The following CPQ variants were observed in gnomAD, a reference collection of about 807,000 sequenced individuals.
CPQ encodes carboxypeptidase Q.
A neutral mutation model predicts 45.7 loss-of-function variants in CPQ; 37 were observed. The ratio of observed to expected loss-of-function variants is 0.81; its 90% CI spans 0.62 to 1.07. CPQ has a LOEUF of 1.07. Ranked by LOEUF, CPQ falls within the 50% of genes least tolerant of loss-of-function variation. CPQ has a pLI of 0.00. For missense variants in CPQ, 537 were observed against 572.9 expected, an observed-to-expected ratio of 0.94 and a Z score of 0.64; for synonymous variants, 186 against 205.8, an observed-to-expected ratio of 0.90 and a Z score of 0.82.
intron 1 of CPQ, among the ~76,000 whole-genome samples, chr8:96,663,306 A>C (rs1421239951): frequency 5.7e-5 from 7 of 122,782 alleles, no homozygotes; most frequent in Admixed American, 1.7e-4. Context: ...CTCCTCAAAC[A>C]TTTTCATCTG....
chr8:96,675,829 T>A (rs571864403), intron 1 of CPQ, among the ~76,000 whole-genome samples: 1 of 152,186 alleles, frequency 6.6e-6, no homozygotes, highest in African/African-American at 2.4e-5. Context: ...ATGAACTGTT[T>A]ATATATTTTC....
chr8:96,661,007 A>G (rs972364763), intron 1 of CPQ, among the ~76,000 whole-genome samples: 2 of 152,204 alleles, frequency 1.3e-5, no homozygotes, highest in East Asian at 3.8e-4. Flanking sequence ...CAAAGAGGAC[A>G]TATTCTTTAT....
chr8:97,050,572 T>C (rs1015914007), intron 6 of CPQ, among the ~76,000 whole-genome samples: 3 of 151,966 alleles, frequency 2.0e-5, no homozygotes, highest in Non-Finnish European at 4.4e-5. Flanking sequence ...ATGCAAAAAA[T>C]CAGAAAAACA....
chr8:96,786,897 A>G (rs1674576187), intron 2 of CPQ, among the ~76,000 whole-genome samples: 1 of 152,062 alleles, frequency 6.6e-6, no homozygotes, highest in Non-Finnish European at 1.5e-5. Context: ...GAGTTTTAAA[A>G]GCTTTTTTAA....
intron 6 of CPQ, among the ~76,000 whole-genome samples, chr8:97,053,991 G>T (rs543237205): frequency 2.2e-4 from 33 of 152,228 alleles, no homozygotes; most frequent in African/African-American, 7.9e-4. Flanking sequence ...CAACTGAAAT[G>T]AGGGGAGTTA....
intron 4 of CPQ, among the ~76,000 whole-genome samples, chr8:96,915,150 A>G (rs1260170866): frequency 2.0e-5 from 3 of 152,176 alleles, no homozygotes; most frequent in Non-Finnish European, 2.9e-5. Flanking sequence ...GACTTGCCCA[A>G]TGATAACTGA....
intron 7 of CPQ, among the ~76,000 whole-genome samples, chr8:97,129,996 T>G (rs1811918473): frequency 6.6e-6 from 1 of 152,124 alleles, no homozygotes; most frequent in Non-Finnish European, 1.5e-5. Context: ...CAAAAATGAG[T>G]GAAAGGTTGA....
chr8:96,653,780 GGA>G (rs1385196821), intron 1 of CPQ, among the ~76,000 whole-genome samples: 2 of 152,116 alleles, frequency 1.3e-5, no homozygotes, highest in African/African-American at 4.8e-5. Context: ...AGTAGGCGGA[GGA>G]GGAGGAGGAA....
chr8:96,802,545 T>G (rs1811020770), intron 2 of CPQ, among the ~76,000 whole-genome samples: 1 of 152,230 alleles, frequency 6.6e-6, no homozygotes, highest in South Asian at 2.1e-4. Flanking sequence ...TTTACAGTCC[T>G]GATTTTCTTT....
At chr8:97,050,628 GCT>G (rs1257064131) in intron 6 of CPQ, among the ~76,000 whole-genome samples, 2 of 152,174 alleles carry the variant, frequency 1.3e-5, no homozygotes, top group South Asian at 2.1e-4. Context: ...TACTTGGGAG[GCT>G]GAGGCAGAAG....
At chr8:96,885,935 C>T (rs568617999) in intron 4 of CPQ, among the ~76,000 whole-genome samples, 1 of 152,006 alleles carries the variant, frequency 6.6e-6, no homozygotes, top group African/African-American at 2.4e-5. Flanking sequence ...GAGATCGCAC[C>T]ACTGCACTCC....
chr8:96,866,370 G>A (rs376632050), intron 3 of CPQ, among the ~76,000 whole-genome samples: 2 of 152,062 alleles, frequency 1.3e-5, no homozygotes, highest in East Asian at 3.9e-4. Flanking sequence ...CATTATACCG[G>A]GTAGTTTAGG....
At chr8:96,788,340 A>G (rs1484417415) in intron 2 of CPQ, among the ~76,000 whole-genome samples, 1 of 151,716 alleles carries the variant, frequency 6.6e-6, no homozygotes. Flanking sequence ...TTGTATTTTT[A>G]GTAGAGATGC....
At chr8:96,712,765 A>C (rs1003701874) in intron 1 of CPQ, among the ~76,000 whole-genome samples, 1 of 152,192 alleles carries the variant, frequency 6.6e-6, no homozygotes, top group Non-Finnish European at 1.5e-5. Flanking sequence ...AGGGGCTGCC[A>C]TGAAGGTCTC....
chr8:96,978,165 G>A (rs1431355007), intron 5 of CPQ, among the ~76,000 whole-genome samples: 1 of 152,008 alleles, frequency 6.6e-6, no homozygotes, highest in African/African-American at 2.4e-5. Flanking sequence ...TAAGACCCAT[G>A]GCAGATACAT....
At chr8:96,855,334 A>G (rs1435128443) in intron 3 of CPQ, among the ~76,000 whole-genome samples, 1 of 152,114 alleles carries the variant, frequency 6.6e-6, no homozygotes, top group East Asian at 1.9e-4. Context: ...CATCTAGACA[A>G]CAGGCAGCTG....
At chr8:96,902,048 C>G (rs561178949) in intron 4 of CPQ, among the ~76,000 whole-genome samples, 1 of 152,148 alleles carries the variant, frequency 6.6e-6, no homozygotes, top group South Asian at 2.1e-4. Flanking sequence ...GAAGGAGCTA[C>G]TGAGAGCCAC....
intron 6 of CPQ, among the ~76,000 whole-genome samples, chr8:97,034,396 G>A (rs528176194): frequency 6.6e-6 from 1 of 152,236 alleles, no homozygotes; most frequent in South Asian, 2.1e-4. Context: ...TCAATAAGTT[G>A]TTAAATTTTC....
chr8:97,053,200 A>G (rs1296135478), intron 6 of CPQ, among the ~76,000 whole-genome samples: 2 of 152,178 alleles, frequency 1.3e-5, no homozygotes, highest in African/African-American at 4.8e-5. Context: ...TTCAGTCAGC[A>G]CATGTTTACT....
Sources: allele counts gnomAD v4.1 joint callset (sites outside exome capture counted in the v4.1 genomes callset), GRCh38; gene constraint gnomAD v4.1.1; transcripts MANE v1.5; gene names NCBI Gene and HGNC (gene_info 2026-07-23, HGNC 2026-07-21).